TMEM132B: variants seen among roughly 807,000 people sequenced by gnomAD.
The protein encoded by TMEM132B is transmembrane protein 132B.
In TMEM132B, 18 loss-of-function variants were observed where a neutral mutation model predicts 90.8. That is an observed-to-expected ratio of 0.20 (90% CI 0.14 to 0.29). The LOEUF is 0.29. Among genes scored for constraint, TMEM132B ranks in the 10% least tolerant of loss-of-function variants. The probability of loss-of-function intolerance (pLI) is 1.00; values close to 1 mark genes in which losing one functional copy is unlikely to be tolerated. For missense variants in TMEM132B, 1,096 were observed against 1,326.8 expected, an observed-to-expected ratio of 0.83 and a Z score of 2.70; for synonymous variants, 504 against 523.3, an observed-to-expected ratio of 0.96 and a Z score of 0.50.
intron 2 of TMEM132B, among the ~76,000 whole-genome samples, chr12:125,377,437 G>T (rs1023573314): frequency 1.3e-5 from 2 of 152,144 alleles, no homozygotes; most frequent in Non-Finnish European, 2.9e-5. Flanking sequence ...GAGTGAGGTT[G>T]GGTGGTTAGG....
intron 4 of TMEM132B, among the ~76,000 whole-genome samples, chr12:125,541,648 T>C (rs1452337209): frequency 6.6e-6 from 1 of 152,018 alleles, no homozygotes. Context: ...TCAGCTTCCA[T>C]AGTGCTATCC....
chr12:125,404,661 A>T lies in TMEM132B; in HGVS notation c.960-10870A>T, dbSNP rs374567028. ...TAGTGTTATTATCCACATTTTACAGATAAGGAAACTGAGTCACAGAAGTTC... is the reference window on the plus strand; with the variant it reads ...TAGTGTTATTATCCACATTTTACAGTTAAGGAAACTGAGTCACAGAAGTTC... On this transcript the variant is annotated intron_variant, in intron 2 of 8. Transcript: ENST00000682704. 1.6e-4 allele frequency among the ~76,000 whole-genome samples: 25 copies of T among 152,334 alleles called. No homozygotes were observed. In the South Asian group the frequency reaches 2.7e-3, roughly 16 times the overall value.
intron 1 of TMEM132B, among the ~76,000 whole-genome samples, chr12:125,219,138 A>G (rs1475805992): frequency 6.6e-6 from 1 of 152,196 alleles, no homozygotes; most frequent in Non-Finnish European, 1.5e-5. Context: ...GAGTGTTGCA[A>G]TAAGTTGCAC....
chr12:125,361,285 G>A (rs1877949361), intron 2 of TMEM132B, among the ~76,000 whole-genome samples: 1 of 152,108 alleles, frequency 6.6e-6, no homozygotes, highest in South Asian at 2.1e-4. Context: ...TGAAGAAACA[G>A]GCTCAGAAAT....
chr12:125,296,557 A>T (rs1875677419), intron 1 of TMEM132B, among the ~76,000 whole-genome samples: 1 of 152,082 alleles, frequency 6.6e-6, no homozygotes, highest in Non-Finnish European at 1.5e-5. Context: ...CTTCTGACAA[A>T]CTGGATAATC....
chr12:125,384,705 C>T (rs558899636), intron 2 of TMEM132B, among the ~76,000 whole-genome samples: 76 of 152,106 alleles, frequency 5.0e-4, no homozygotes, highest in Non-Finnish European at 6.8e-4. Context: ...GGCTGGAGTG[C>T]GGCAGCATGA....
chr12:125,440,317 G>A (rs1880833817), intron 3 of TMEM132B, among the ~76,000 whole-genome samples: 1 of 152,134 alleles, frequency 6.6e-6, no homozygotes. Context: ...TCAAGAGACA[G>A]AATTAAATTA....
chr12:125,427,460 G>T (rs1219641642), intron 3 of TMEM132B, among the ~76,000 whole-genome samples: 1 of 152,236 alleles, frequency 6.6e-6, no homozygotes, highest in Non-Finnish European at 1.5e-5. Context: ...CAAGGCTCCA[G>T]AGCAGTGCCT....
intron 2 of TMEM132B, among the ~76,000 whole-genome samples, chr12:125,384,225 G>A (rs924980150): frequency 2.0e-5 from 3 of 152,150 alleles, no homozygotes; most frequent in Non-Finnish European, 4.4e-5. Flanking sequence ...TTACAGGCGT[G>A]AGCCATCACG....
intron 3 of TMEM132B, among the ~76,000 whole-genome samples, chr12:125,446,004 T>G (rs1593151140): frequency 1.3e-5 from 2 of 152,316 alleles, no homozygotes; most frequent in South Asian, 4.1e-4. Context: ...CCTCGCTTTC[T>G]CCAACAAAGT....
intron 4 of TMEM132B, among the ~76,000 whole-genome samples, chr12:125,559,360 G>A (rs1009675575): frequency 2.6e-5 from 4 of 152,130 alleles, no homozygotes; most frequent in South Asian, 2.1e-4. Flanking sequence ...GTGAGACCTC[G>A]TCTTCCCCTC....
chr12:125,448,233 G>C (rs1325744280), intron 3 of TMEM132B, among the ~76,000 whole-genome samples: 1 of 151,418 alleles, frequency 6.6e-6, no homozygotes, highest in Non-Finnish European at 1.5e-5. Flanking sequence ...TGGGCAACAA[G>C]AGCAAAACTC....
At chr12:125,614,158 C>T (rs1345817121) in intron 5 of TMEM132B, among the ~76,000 whole-genome samples, 2 of 152,090 alleles carry the variant, frequency 1.3e-5, no homozygotes, top group South Asian at 2.1e-4. Flanking sequence ...AATGTGAGTA[C>T]ATGTGCATAT....
At chr12:125,237,365 A>G (rs576355303) in intron 1 of TMEM132B, among the ~76,000 whole-genome samples, 3 of 152,246 alleles carry the variant, frequency 2.0e-5, no homozygotes, top group Non-Finnish European at 4.4e-5. Flanking sequence ...CCCCAGCCCA[A>G]GCAGGCCTCC....
At chr12:125,537,574 C>T (rs748685957) in intron 4 of TMEM132B, among the ~76,000 whole-genome samples, 13 of 152,110 alleles carry the variant, frequency 8.5e-5, no homozygotes, top group East Asian at 1.9e-4. Context: ...GACGTGTGTT[C>T]GAGAGATATT....
intron 3 of TMEM132B, among the ~76,000 whole-genome samples, chr12:125,438,878 C>T (rs1257722963): frequency 1.3e-5 from 2 of 152,184 alleles, no homozygotes; most frequent in African/African-American, 2.4e-5. Flanking sequence ...AAGTTAATCC[C>T]TATTGATACA....
Position 125,477,531 on chromosome 12 carries a change from T to G in TMEM132B, c.1107-41908T>G, listed in dbSNP as rs574014296. Among the ~76,000 whole-genome samples, 600 of 82,064 alleles carry G rather than the reference T, an allele frequency of 7.3e-3. 6 individuals are homozygous for G. Among genetic ancestry groups the G allele is most frequent in the African/African-American group, 0.019 (552 of 29,726 alleles). The allele number at this position is 82,064 out of a possible 152,430, so 53.8% of individuals were successfully genotyped here. ...AATTTTTTTCCCCAAGAACCTAAAT[T>G]TTTTTTTTCCTACTCTGTGGCACAG... On this transcript the variant is annotated intron_variant, in intron 3 of 8. Coordinates refer to ENST00000682704, the MANE Select transcript of TMEM132B (RefSeq NM_001366854.1).
At chr12:125,561,192 A>G (rs1884517600) in intron 4 of TMEM132B, among the ~76,000 whole-genome samples, 1 of 152,230 alleles carries the variant, frequency 6.6e-6, no homozygotes, top group Non-Finnish European at 1.5e-5. Flanking sequence ...CTATGCAGCC[A>G]TGAAAAAGGA....
intron 8 of TMEM132B, 62 bp downstream of exon 8, chr12:125,652,694 C>T: frequency 2.6e-6 from 4 of 1,535,752 alleles, no homozygotes; most frequent in Non-Finnish European, 2.6e-6. Flanking sequence ...TCAGTTAGCA[C>T]ATCCTGCGAA....
Sources: allele counts gnomAD v4.1 joint callset (sites outside exome capture counted in the v4.1 genomes callset), GRCh38; gene constraint gnomAD v4.1.1; transcripts MANE v1.5; gene names NCBI Gene and HGNC (gene_info 2026-07-23, HGNC 2026-07-21).